USP31: variants seen among roughly 807,000 people sequenced by gnomAD.
USP31 encodes ubiquitin carboxyl-terminal hydrolase 31.
A neutral mutation model predicts 119.4 loss-of-function variants in USP31; 44 were observed. That is an observed-to-expected ratio of 0.37 (90% CI 0.29 to 0.47). The LOEUF (loss-of-function observed/expected upper bound fraction) is 0.47, where lower values mean the gene tolerates loss of function less well. USP31 is among the 20% of genes least tolerant of loss of function. USP31 has a pLI of 0.99. For missense variants in USP31, 1,643 were observed against 1,730.2 expected, an observed-to-expected ratio of 0.95 and a Z score of 0.89; for synonymous variants, 749 against 705.6, an observed-to-expected ratio of 1.06 and a Z score of -0.97.
At chr16:23,120,934 T>C (rs940698077) in intron 1 of USP31, among the ~76,000 whole-genome samples, 1 of 152,120 alleles carries the variant, frequency 6.6e-6, no homozygotes, top group African/African-American at 2.4e-5. Flanking sequence ...AGATTATATA[T>C]ACACACACAA....
intron 6 of USP31, among the ~76,000 whole-genome samples, chr16:23,097,095 G>C (rs945948889): frequency 2.6e-5 from 4 of 151,876 alleles, no homozygotes; most frequent in African/African-American, 9.7e-5. Context: ...TAGACCGCTA[G>C]CAAGACTAAT....
Position 23,065,066 on chromosome 16 carries a change from T to C in USP31, c.*2980A>G, listed in dbSNP as rs1463583127. The C allele has an allele frequency of 1.3e-5, 2 of 152,030 alleles. No individual in the cohort carries two copies. Among genetic ancestry groups the C allele is most frequent in the Non-Finnish European group, 2.9e-5 (2 of 68,004 alleles). 9.4% of individuals were successfully genotyped at this position (152,030 alleles called of 1,614,324 possible). On this transcript the variant is annotated 3_prime_UTR_variant, in exon 16 of 16. Coordinates refer to ENST00000219689, the MANE Select transcript of USP31 (RefSeq NM_020718.4). ...TCTAAGGGATTACCAAGGCAAGATG[T>C]AGGGCTGTCTTAAGGAATGATACGG...
chr16:23,138,812 G>A (rs925102109), intron 1 of USP31, among the ~76,000 whole-genome samples: 8 of 152,024 alleles, frequency 5.3e-5, no homozygotes, highest in African/African-American at 1.7e-4. Flanking sequence ...TTCAAGACAC[G>A]GAGCAGGTAT....
chr16:23,131,718 G>A (rs1377003267), intron 1 of USP31, among the ~76,000 whole-genome samples: 1 of 152,098 alleles, frequency 6.6e-6, no homozygotes, highest in Non-Finnish European at 1.5e-5. Context: ...CTCTGGGCTT[G>A]TGTACATGAA....
rs115182011 is a variant in USP31, at chr16:23,069,114, G to A, written c.2991C>T (p.Ser997=). Residue 997 remains serine (S), a synonymous_variant, in exon 16 of 16, where the codon TCC becomes TCT. Coordinates refer to ENST00000219689, the MANE Select transcript of USP31 (RefSeq NM_020718.4). ...NQIAYVDQSD[S]VDSSPVKEVK... The stretch of plus-strand genomic sequence containing the variant: ...CCTCTTTGACTGGAGAGCTGTCTAC[G>A]GAGTCGCTCTGATCCACATAAGCGA... 8,062 of 1,613,154 alleles carry A rather than the reference G, an allele frequency of 5.0e-3. 57 individuals carry two copies. The highest frequency in any genetic ancestry group is 0.011 in the Middle Eastern group (69 of 6,062).
At chr16:23,148,083 GTATTT>G (rs1178976057) in intron 1 of USP31, among the ~76,000 whole-genome samples, 1 of 152,138 alleles carries the variant, frequency 6.6e-6, no homozygotes, top group African/African-American at 2.4e-5. Context: ...TGATATGGAA[GTATTT>G]TACTTATCAG....
intron 1 of USP31, among the ~76,000 whole-genome samples, chr16:23,148,337 G>A (rs988498632): frequency 3.9e-5 from 6 of 152,182 alleles, no homozygotes; most frequent in Non-Finnish European, 5.9e-5. Context: ...CCACAAAAAT[G>A]CAAGTTCCAT....
At chr16:23,112,222 C>G (rs539701855) in intron 1 of USP31, among the ~76,000 whole-genome samples, 1 of 152,302 alleles carries the variant, frequency 6.6e-6, no homozygotes, top group Non-Finnish European at 1.5e-5. Context: ...AACCTCCCCA[C>G]TAAATCACCA....
chr16:23,108,035 T>A lies in USP31; in HGVS notation c.771+11A>T, dbSNP rs760938043. 3.1e-6 allele frequency: 5 copies of A among 1,609,594 alleles called. No individual in the cohort carries two copies. In the African/African-American group the frequency reaches 6.7e-5, roughly 22 times the overall value. On this transcript the variant is annotated intron_variant, in intron 2 of 15. Coordinates refer to ENST00000219689, the MANE Select transcript of USP31 (RefSeq NM_020718.4). ...GCTGGCTGACTGCCCTAGGGCAGCA[T>A]GCGTCCTTACCTTCAGAGGAGGCTG...
chr16:23,132,011 C>G (rs1903044562), intron 1 of USP31, among the ~76,000 whole-genome samples: 1 of 152,194 alleles, frequency 6.6e-6, no homozygotes, highest in South Asian at 2.1e-4. Context: ...CTGTTTGCTA[C>G]CATCCGAACC....
At chr16:23,090,211 C>T (rs979998389) in intron 7 of USP31, among the ~76,000 whole-genome samples, 5 of 152,150 alleles carry the variant, frequency 3.3e-5, no homozygotes, top group African/African-American at 1.2e-4. Context: ...ATGGTGAAAC[C>T]TCATTTCTAC....
Position 23,062,588 on chromosome 16 carries a change from T to C in USP31, c.*5458A>G, listed in dbSNP as rs2141814580. 6.5e-6 allele frequency: 1 copy of C among 152,674 alleles called. No individual in the cohort carries two copies. Among genetic ancestry groups the C allele is most frequent in the Non-Finnish European group, 1.5e-5 (1 of 68,022 alleles). The allele number at this position is 152,674 out of a possible 1,614,324, so 9.5% of individuals were successfully genotyped here. A position where few individuals can be genotyped will look rare whatever the true frequency, so the allele number is the denominator to read the frequency against. ...ACAGGCTTTCCAAGGCTAGGAAGGT[T>C]GTTTCTTTTCTTCTTCGACAATTTC... On this transcript the variant is annotated 3_prime_UTR_variant, in exon 16 of 16. Coordinates refer to ENST00000219689, the MANE Select transcript of USP31 (RefSeq NM_020718.4).
chr16:23,073,641 G>A (rs1900435001), intron 14 of USP31, 81 bp downstream of exon 14: 3 of 1,481,058 alleles, frequency 2.0e-6, no homozygotes, highest in Non-Finnish European at 1.8e-6. Context: ...AGTCATGAGA[G>A]CCTCCAGAGA....
chr16:23,068,601 G>A lies in USP31; in HGVS notation c.3504C>T (p.Ala1168=). 1.2e-6 allele frequency: 2 copies of A among 1,614,206 alleles called. No individual in the cohort carries two copies. Among genetic ancestry groups the A allele is most frequent in the South Asian group, 1.1e-5 (1 of 91,086 alleles). Residue 1168 remains alanine (A), a synonymous_variant, in exon 16 of 16, where the codon GCC becomes GCT. Coordinates refer to ENST00000219689, the MANE Select transcript of USP31 (RefSeq NM_020718.4). ...GSRQSLGSDR[A]SATSTSKPNS... The stretch of plus-strand genomic sequence containing the variant: ...TGGGTTTGGAGGTGGAGGTGGCGCT[G>A]GCTCTGTCAGAACCCAAGCTTTGTC...
intron 1 of USP31, among the ~76,000 whole-genome samples, chr16:23,147,883 A>ATGTGAGCACTGCACTCCAGCCTGGGC (rs1306147653): frequency 2.6e-5 from 4 of 152,290 alleles, no homozygotes; most frequent in Non-Finnish European, 5.9e-5. Context: ...GTTTGAGGCT[A>ATGTGAGCACTGCACTCCAGCCTGGGC]TGTGAGCACT....
intron 6 of USP31, among the ~76,000 whole-genome samples, chr16:23,091,432 G>A (rs543633329): frequency 5.3e-5 from 8 of 152,266 alleles, no homozygotes; most frequent in South Asian, 4.1e-4. Context: ...TCAGCACCCA[G>A]CACAACCCCA....
At chr16:23,094,204 T>TGGCACGGTGGGTCCCATGCCC (rs1361085285) in intron 6 of USP31, among the ~76,000 whole-genome samples, 15 of 152,258 alleles carry the variant, frequency 9.9e-5, no homozygotes, top group African/African-American at 3.1e-4. Flanking sequence ...CTCCCATGCC[T>TGGCACGGTGGGTCCCATGCCC]GGCTCGGTGG....
At chr16:23,126,513 G>C (rs1424011231) in intron 1 of USP31, among the ~76,000 whole-genome samples, 1 of 150,850 alleles carries the variant, frequency 6.6e-6, no homozygotes. Context: ...TATAATCCCA[G>C]CTACTTGGGA....
chr16:23,080,215 A>T, intron 12 of USP31, 44 bp from the exon 13 acceptor site: 1 of 1,487,564 alleles, frequency 6.7e-7, no homozygotes, highest in Non-Finnish European at 9.0e-7. Flanking sequence ...TTTTAATGCA[A>T]GCAGATGGCA....
Sources: allele counts gnomAD v4.1 joint callset (sites outside exome capture counted in the v4.1 genomes callset), GRCh38; gene constraint gnomAD v4.1.1; transcripts MANE v1.5; gene names NCBI Gene and HGNC (gene_info 2026-07-23, HGNC 2026-07-21).